The following CREB5 variants were observed in gnomAD, a reference collection of about 807,000 sequenced individuals.
CREB5 encodes the protein cyclic AMP-responsive element-binding protein 5.
A neutral mutation model predicts 57.1 loss-of-function variants in CREB5; 19 were observed. That is an observed-to-expected ratio of 0.33 (90% CI 0.23 to 0.49). The LOEUF is 0.49. CREB5 is among the 20% of genes least tolerant of loss of function. The probability of loss-of-function intolerance (pLI) is 0.99; values close to 1 mark genes in which losing one functional copy is unlikely to be tolerated. For synonymous variants in CREB5, 238 were observed against 238.3 expected, an observed-to-expected ratio of 1.00 and a Z score of 0.01; for missense variants, 579 against 671.6, an observed-to-expected ratio of 0.86 and a Z score of 1.52.
rs117062818 is a variant in CREB5 at position 28,655,253 on chromosome 7, G to C, written c.465-63500G>C. Reference sequence around the variant, plus strand: ...TTAGCTCGAATGGTGGCATGTAGGTGTTTGTTGTATTACTCTTTAAACGTT... The same window carrying C: ...TTAGCTCGAATGGTGGCATGTAGGTCTTTGTTGTATTACTCTTTAAACGTT... On this transcript the variant is annotated intron_variant, in intron 5 of 10. Coordinates refer to ENST00000357727, the MANE Select transcript of CREB5 (RefSeq NM_182898.4). Among the ~76,000 whole-genome samples the C allele has an allele frequency of 4.6e-5, 7 of 152,266 alleles. No homozygotes were observed. In the East Asian group the frequency reaches 1.4e-3, roughly 29 times the overall value.
At chr7:28,385,140 C>A (rs2127996701) in intron 1 of CREB5, among the ~76,000 whole-genome samples, 1 of 152,228 alleles carries the variant, frequency 6.6e-6, no homozygotes, top group South Asian at 2.1e-4. Context: ...ATAGCTTATA[C>A]TGACACTCAG....
rs1299081018 is a variant in CREB5 at position 28,822,219 on chromosome 7, G to C, written c.*2940G>C. ...TTTAGGTGTGTTCATTCACGGTATG[G>C]AAATACAGTAAATGAAAGATTCCAA... On this transcript the variant is annotated 3_prime_UTR_variant, in exon 11 of 11. Coordinates refer to ENST00000357727, the MANE Select transcript of CREB5 (RefSeq NM_182898.4). 6.6e-6 allele frequency: 1 copy of C among 152,194 alleles called. No homozygotes were observed. The highest frequency in any genetic ancestry group is 1.5e-5 in the Non-Finnish European group (1 of 68,036). The allele number at this position is 152,194 out of a possible 1,614,324, so 9.4% of individuals were successfully genotyped here.
At chr7:28,477,556 G>C (rs918354235) in intron 1 of CREB5, among the ~76,000 whole-genome samples, 2 of 152,182 alleles carry the variant, frequency 1.3e-5, no homozygotes, top group African/African-American at 4.8e-5. Flanking sequence ...TGTTGTTTGG[G>C]GGCCTGAGCC....
chr7:28,299,731 C>T (rs1338373930), intron 1 of CREB5, among the ~76,000 whole-genome samples: 1 of 152,190 alleles, frequency 6.6e-6, no homozygotes, highest in Non-Finnish European at 1.5e-5. Context: ...ATTGATTGTG[C>T]AATGTGACCC....
At chr7:28,731,961 G>A (rs548496472) in intron 7 of CREB5, among the ~76,000 whole-genome samples, 91 of 152,164 alleles carry the variant, frequency 6.0e-4, no homozygotes, top group African/African-American at 2.0e-3. Context: ...AAAATGCCTT[G>A]GTTTTGCTTG....
chr7:28,713,880 G>A (rs1219428208), intron 5 of CREB5, among the ~76,000 whole-genome samples: 1 of 151,856 alleles, frequency 6.6e-6, no homozygotes, highest in South Asian at 2.1e-4. Flanking sequence ...TTTTAATTCT[G>A]TTCTCCACCA....
chr7:28,527,143 G>A (rs1355198863), intron 4 of CREB5, among the ~76,000 whole-genome samples: 1 of 152,172 alleles, frequency 6.6e-6, no homozygotes, highest in Admixed American at 6.5e-5. Context: ...TGCCTTAGCA[G>A]GCTTTTCCAA....
chr7:28,514,242 C>T (rs1412270518), intron 4 of CREB5, among the ~76,000 whole-genome samples: 4 of 152,178 alleles, frequency 2.6e-5, no homozygotes, highest in African/African-American at 4.8e-5. Context: ...GCTGGTGGCT[C>T]TGTCTTCAAC....
chr7:28,498,239 G>A (rs1255660183), intron 3 of CREB5, among the ~76,000 whole-genome samples: 1 of 152,152 alleles, frequency 6.6e-6, no homozygotes, highest in East Asian at 1.9e-4. Flanking sequence ...TAAAAATAAT[G>A]TAAATCAAAA....
At chr7:28,642,969 C>CACACACACAT (rs1798723831) in intron 5 of CREB5, among the ~76,000 whole-genome samples, 1 of 112,068 alleles carries the variant, frequency 8.9e-6, no homozygotes, top group Admixed American at 9.3e-5. Flanking sequence ...CACACACACA[C>CACACACACAT]ACACACACAC....
chr7:28,709,470 T>C lies in CREB5; in HGVS notation c.465-9283T>C, dbSNP rs148315999. Reference sequence around the variant, plus strand: ...TAAAGAAGCCAAAAAAAGTTTGCTTTAATAGTCTTAACAGAATGATCATAA... The same window carrying C: ...TAAAGAAGCCAAAAAAAGTTTGCTTCAATAGTCTTAACAGAATGATCATAA... On this transcript the variant is annotated intron_variant, in intron 5 of 10. Transcript: ENST00000357727. Among the ~76,000 whole-genome samples, 199 of 152,300 alleles carry C rather than the reference T, an allele frequency of 1.3e-3. 1 individual carries two copies. The highest frequency in any genetic ancestry group is 4.6e-3 in the African/African-American group (192 of 41,570).
intron 5 of CREB5, among the ~76,000 whole-genome samples, chr7:28,582,673 T>A (rs967018654): frequency 2.6e-5 from 4 of 152,180 alleles, no homozygotes; most frequent in African/African-American, 9.7e-5. Flanking sequence ...TTTTCAGTCC[T>A]TATCTCCAGT....
chr7:28,514,608 G>A (rs954516828), intron 4 of CREB5, among the ~76,000 whole-genome samples: 1 of 152,150 alleles, frequency 6.6e-6, no homozygotes, highest in East Asian at 1.9e-4. Context: ...TGTTAGTCAG[G>A]ATGGTCTCAA....
rs1800150328 is a variant in CREB5, at chr7:28,673,499, T to C, written c.465-45254T>C. Among the ~76,000 whole-genome samples, 3 of 152,214 alleles carry C rather than the reference T, an allele frequency of 2.0e-5. No individual in the cohort carries two copies. The South Asian group carries it at 6.2e-4, about 32-fold the overall frequency. ...AAGGTGTATTGCTTTAAAACATGCT[T>C]TATGATTTTCTTTTTAATCTTGCTC... is the stretch of plus-strand genomic sequence containing the variant. On this transcript the variant is annotated intron_variant, in intron 5 of 10. Transcript: ENST00000357727.
chr7:28,387,201 A>G (rs1787126019), intron 1 of CREB5, among the ~76,000 whole-genome samples: 1 of 152,224 alleles, frequency 6.6e-6, no homozygotes, highest in Non-Finnish European at 1.5e-5. Context: ...CCATCAGTGT[A>G]AAAGCATTCC....
At chr7:28,530,415 G>A (rs1022470502) in intron 4 of CREB5, among the ~76,000 whole-genome samples, 1 of 152,158 alleles carries the variant, frequency 6.6e-6, no homozygotes, top group Non-Finnish European at 1.5e-5. Context: ...TTGGGCTGTC[G>A]TCCAGGGTGC....
chr7:28,532,199 C>A (rs896890641), intron 4 of CREB5, among the ~76,000 whole-genome samples: 2 of 152,046 alleles, frequency 1.3e-5, no homozygotes, highest in South Asian at 2.1e-4. Flanking sequence ...GGAGCTGAAG[C>A]CCCCTGCCAA....
intron 1 of CREB5, among the ~76,000 whole-genome samples, chr7:28,371,270 A>T (rs574586080): frequency 6.6e-6 from 1 of 152,224 alleles, no homozygotes; most frequent in East Asian, 1.9e-4. Context: ...AGAGATGGAG[A>T]CCATCATGGC....
chr7:28,648,970 A>T (rs959264216), intron 5 of CREB5, among the ~76,000 whole-genome samples: 1 of 152,192 alleles, frequency 6.6e-6, no homozygotes, highest in African/African-American at 2.4e-5. Flanking sequence ...TGGAATCTAA[A>T]TAGAGCTTTT....
Sources: gnomAD v4.1 joint callset for allele counts (sites outside exome capture counted in the v4.1 genomes callset) on GRCh38, gnomAD v4.1.1 for gene constraint, MANE v1.5 for transcripts, NCBI Gene and HGNC (gene_info 2026-07-23, HGNC 2026-07-21) for gene names.